DNAH14: variants seen among roughly 807,000 people sequenced by gnomAD.
DNAH14 encodes the protein axonemal beta dynein heavy chain 14.
Under a neutral mutation model 520.9 loss-of-function variants are expected in DNAH14, and 478 were observed. That is an observed-to-expected ratio of 0.92 (90% CI 0.85 to 0.99). The LOEUF is 0.99. Among genes scored for constraint, DNAH14 ranks in the 50% least tolerant of loss-of-function variants. The probability of loss-of-function intolerance (pLI) is 0.00; values close to 1 mark genes in which losing one functional copy is unlikely to be tolerated. For missense variants in DNAH14, 4,831 were observed against 5,234.5 expected (o/e 0.92, Z 2.38); for synonymous variants, 1,581 against 1,757.2 (o/e 0.90, Z 2.51).
At chr1:225,133,748 C>A (rs2078679617) in intron 27 of DNAH14, among the ~76,000 whole-genome samples, 1 of 151,976 alleles carries the variant, frequency 6.6e-6, no homozygotes, top group Admixed American at 6.6e-5. Flanking sequence ...AGTAGTTTTT[C>A]TAATTCTATG....
Position 225,193,321 on chromosome 1 carries a change from TC to T in DNAH14, c.5886+411del, listed in dbSNP as rs1480618592. The stretch of plus-strand genomic sequence containing the variant: ...AAGTGGCAAAAAGGAAAATTTTTAT[TC>T]TCATTAGCAATAACTAGAGATTGCT... On this transcript the variant is annotated intron_variant, in intron 38 of 85. Transcript: ENST00000682510. 2.6e-5 allele frequency among the ~76,000 whole-genome samples: 4 copies of T among 152,076 alleles called. No homozygotes were observed. The East Asian group carries it at 7.7e-4, about 29-fold the overall frequency.
chr1:225,103,763 T>C (rs2075744246), intron 23 of DNAH14, among the ~76,000 whole-genome samples: 1 of 152,210 alleles, frequency 6.6e-6, no homozygotes, highest in African/African-American at 2.4e-5. Flanking sequence ...TTTAATGAAG[T>C]TGCCTATCAG....
intron 60 of DNAH14, among the ~76,000 whole-genome samples, chr1:225,310,945 T>A (rs749334857): frequency 1.9e-4 from 29 of 152,178 alleles, no homozygotes; most frequent in Non-Finnish European, 3.7e-4. Flanking sequence ...TGATTTATAA[T>A]CCTTTTGGTA....
intron 54 of DNAH14, among the ~76,000 whole-genome samples, chr1:225,286,631 T>C (rs1268543200): frequency 6.6e-6 from 1 of 152,144 alleles, no homozygotes. Flanking sequence ...CTGGTGGGAA[T>C]TGAAAATAGC....
intron 77 of DNAH14, among the ~76,000 whole-genome samples, chr1:225,373,308 G>C (rs376864481): frequency 6.6e-6 from 1 of 152,122 alleles, no homozygotes; most frequent in African/African-American, 2.4e-5. Context: ...GGTTAACACA[G>C]TGAAACCCTG....
At chr1:225,380,053 A>G in intron 79 of DNAH14, 106 bp from the exon 80 acceptor site, 1 of 1,234,210 alleles carries the variant, frequency 8.1e-7, no homozygotes, top group Non-Finnish European at 1.1e-6. Context: ...TAGAACACTA[A>G]ACATATTCCT....
intron 60 of DNAH14, among the ~76,000 whole-genome samples, chr1:225,312,482 T>A (rs2094387985): frequency 6.6e-6 from 1 of 152,188 alleles, no homozygotes; most frequent in Non-Finnish European, 1.5e-5. Context: ...CAATATTATA[T>A]TGAATAGGAG....
chr1:225,144,476 G>T lies in DNAH14; in HGVS notation c.4588G>T (p.Glu1530Ter). 6.4e-7 allele frequency: 1 copy of T among 1,551,598 alleles called. No homozygotes were observed. The change falls in exon 29 of 86, where the codon GAG (glutamate) becomes TAG (stop). Residue 1530 changes from glutamate to a stop codon, truncating the protein, a stop_gained. Transcript: ENST00000682510. LOFTEE classifies it high-confidence loss of function. ...QGNASFTYGY[E>*]YLGCTSRLVI... ...AAATGCCAGCTTTACTTATGGCTAT[G>T]AGTACTTGGGCTGTACCTCAAGATT...
At chr1:225,202,136 A>G (rs1387748871) in intron 38 of DNAH14, among the ~76,000 whole-genome samples, 1 of 152,140 alleles carries the variant, frequency 6.6e-6, no homozygotes. Flanking sequence ...TTGGCCTCCC[A>G]AAGTGCTGGG....
chr1:225,335,521 A>ATCTACG lies in DNAH14; in HGVS notation c.10081-1744_10081-1743insCTACGT, dbSNP rs1553335818. Among the ~76,000 whole-genome samples the ATCTACG allele has an allele frequency of 6.7e-5, 8 of 119,812 alleles. 2 individuals carry two copies. Among genetic ancestry groups the ATCTACG allele is most frequent in the African/African-American group, 2.9e-4 (8 of 27,688 alleles). 78.6% of individuals were successfully genotyped at this position (119,812 alleles called of 152,430 possible). A position where few individuals can be genotyped will look rare whatever the true frequency, so the allele number is the denominator to read the frequency against. On this transcript the variant is annotated intron_variant, in intron 66 of 85. Coordinates refer to ENST00000682510, the MANE Select transcript of DNAH14 (RefSeq NM_001367479.1). Reference sequence around the variant, plus strand: ...TACATGTACACATATACATATGTACATATATACATATGTACATATATACGT... The same window carrying ATCTACG: ...TACATGTACACATATACATATGTACATCTACGTATATACATATGTACATATATACGT...
chr1:225,244,374 G>A (rs186936158), intron 43 of DNAH14, among the ~76,000 whole-genome samples: 2 of 152,282 alleles, frequency 1.3e-5, no homozygotes, highest in Admixed American at 1.3e-4. Flanking sequence ...CATAAAATGA[G>A]CTAGCAAGGA....
chr1:225,336,027 G>C (rs1481006110), intron 66 of DNAH14, among the ~76,000 whole-genome samples: 2 of 109,258 alleles, frequency 1.8e-5, no homozygotes, highest in African/African-American at 8.1e-5. Context: ...ATGCATATAT[G>C]TATATACACA....
chr1:224,960,042 A>T (rs752003552), intron 3 of DNAH14, 111 bp from the exon 4 acceptor site: 70 of 1,090,788 alleles, frequency 6.4e-5, no homozygotes, highest in Non-Finnish European at 4.4e-5. Flanking sequence ...CTTAACTACC[A>T]TGCTATACTG....
chr1:225,050,321 C>T lies in DNAH14; in HGVS notation c.2024C>T (p.Thr675Ile), dbSNP rs1454332283. The T allele has an allele frequency of 6.5e-7, 1 of 1,547,788 alleles. No individual in the cohort carries two copies. Among genetic ancestry groups the T allele is most frequent in the African/African-American group, 1.4e-5 (1 of 72,900 alleles). The change falls in exon 16 of 86, where the codon ACC (threonine) becomes ATC (isoleucine). Residue 675 changes from threonine (T) to isoleucine (I), a missense_variant. By Grantham distance (89) the Thr-to-Ile change is moderately conservative. Transcript: ENST00000682510. ...TGSIIHYKEQTRWPDCHILFE... is the reference protein window; with the variant it reads ...TGSIIHYKEQIRWPDCHILFE... Reference sequence around the variant, plus strand: ...AGCATAATACATTATAAAGAGCAGACCAGATGGCCAGATTGTCACATCCTT... The same window carrying T: ...AGCATAATACATTATAAAGAGCAGATCAGATGGCCAGATTGTCACATCCTT...
intron 10 of DNAH14, among the ~76,000 whole-genome samples, chr1:225,011,513 T>G (rs1010687485): frequency 1.3e-5 from 2 of 151,908 alleles, no homozygotes; most frequent in African/African-American, 4.8e-5. Flanking sequence ...GTCTCATTGA[T>G]CTGTTGACAG....
intron 2 of DNAH14, 114 bp from the exon 3 acceptor site, chr1:224,954,845 C>T: frequency 2.7e-6 from 2 of 731,660 alleles, no homozygotes; most frequent in Non-Finnish European, 2.2e-6. Flanking sequence ...TTTATTAAAC[C>T]TAAGAAGCTG....
At chr1:225,004,003 C>T (rs2063969686) in intron 9 of DNAH14, among the ~76,000 whole-genome samples, 1 of 151,986 alleles carries the variant, frequency 6.6e-6, no homozygotes, top group South Asian at 2.1e-4. Context: ...GAGAACATTA[C>T]TAGTGATAGA....
intron 64 of DNAH14, among the ~76,000 whole-genome samples, chr1:225,331,118 A>C (rs533268238): frequency 6.6e-6 from 1 of 152,322 alleles, no homozygotes; most frequent in Admixed American, 6.5e-5. Flanking sequence ...CCATTTTCTT[A>C]GAAAAAGAAT....
In DNAH14 at chr1:224,967,512, C is replaced by T. The variant is rs767106082; in HGVS notation, c.580C>T (p.Gln194Ter). 2 of 1,603,086 alleles carry T rather than the reference C, an allele frequency of 1.2e-6. No individual in the cohort carries two copies. The highest frequency in any genetic ancestry group is 1.7e-5 in the Admixed American group (1 of 58,000). Reference protein sequence around the residue: ...PKSLYNPYDLQVVSAHTAKHC... With the variant: ...PKSLYNPYDL ...ATCCCTTTACAATCCATATGATCTT[C>T]AGGTAGTATCGGCTCATACTGCTAA... is the stretch of plus-strand genomic sequence containing the variant. Residue 194 changes from glutamine (Q) to a stop codon, truncating the protein, a stop_gained, in exon 6 of 86, where the codon CAG becomes TAG. Coordinates refer to ENST00000682510, the MANE Select transcript of DNAH14 (RefSeq NM_001367479.1). LOFTEE classifies it high-confidence loss of function.
Sources: gnomAD v4.1 joint callset for allele counts (sites outside exome capture counted in the v4.1 genomes callset) on GRCh38, gnomAD v4.1.1 for gene constraint, MANE v1.5 for transcripts, NCBI Gene and HGNC (gene_info 2026-07-23, HGNC 2026-07-21) for gene names.